GCLC: variants seen among roughly 807,000 people sequenced by gnomAD.
The protein encoded by GCLC is glutamate-cysteine ligase catalytic subunit, also known as glutamate--cysteine ligase catalytic subunit.
Under a neutral mutation model 81.5 loss-of-function variants are expected in GCLC, and 30 were observed. The observed-to-expected ratio is 0.37, with a 90% CI of 0.28 to 0.50. GCLC has a LOEUF of 0.50. Ranked by LOEUF, GCLC falls within the 20% of genes least tolerant of loss-of-function variation. The pLI is 0.96. For synonymous variants in GCLC, 262 were observed against 273.3 expected (o/e 0.96, Z 0.41); for missense variants, 556 against 777.4 (o/e 0.72, Z 3.39).
At chr6:53,538,341 T>G (rs951176436) in intron 1 of GCLC, among the ~76,000 whole-genome samples, 1 of 150,694 alleles carries the variant, frequency 6.6e-6, no homozygotes, top group Non-Finnish European at 1.5e-5. Context: ...TTTTTTTTTT[T>G]TTTGAGATGC....
Position 53,506,115 on chromosome 6 carries a change from A to T in GCLC, c.1198-220T>A, listed in dbSNP as rs767004145. 39 of 498,846 alleles carry T rather than the reference A, an allele frequency of 7.8e-5. No homozygotes were observed. The highest frequency in any genetic ancestry group is 1.4e-4 in the Non-Finnish European group (37 of 272,708). The allele number at this position is 498,846 out of a possible 1,614,324, so 30.9% of individuals were successfully genotyped here. On this transcript the variant is annotated intron_variant, in intron 10 of 15. Transcript: ENST00000650454. The surrounding 1 kb of genome is among the most constrained non-coding windows in gnomAD (Gnocchi z 4.0). The stretch of plus-strand genomic sequence containing the variant: ...AAAAGCTATGAGGCCCTATCACTGC[A>T]AGCTTAATCTCACCCAGCTCCTACT...
Position 53,498,251 on chromosome 6 carries a change from T to C in GCLC, c.*505A>G, listed in dbSNP as rs1764413117. The C allele has an allele frequency of 6.3e-6, 1 of 157,666 alleles. No homozygotes were observed. The highest frequency in any genetic ancestry group is 2.4e-5 in the African/African-American group (1 of 41,448). The allele number at this position is 157,666 out of a possible 1,614,324, so 9.8% of individuals were successfully genotyped here. A position where few individuals can be genotyped will look rare whatever the true frequency, so the allele number is the denominator to read the frequency against. ...TAGATAAGGTGCTAGAAACCCAAGATTACCCTTGAAGCACTTTCAATGGAT... is the reference window on the plus strand; with the variant it reads ...TAGATAAGGTGCTAGAAACCCAAGACTACCCTTGAAGCACTTTCAATGGAT... On this transcript the variant is annotated 3_prime_UTR_variant, in exon 16 of 16. Coordinates refer to ENST00000650454, the MANE Select transcript of GCLC (RefSeq NM_001498.4).
At chr6:53,510,333 T>C (rs1363632108) in intron 6 of GCLC, 1 of 151,662 alleles carries the variant, frequency 6.6e-6, no homozygotes, top group African/African-American at 2.4e-5. Flanking sequence ...GTCCTGAAGA[T>C]GGGGAGATCA....
intron 1 of GCLC, among the ~76,000 whole-genome samples, chr6:53,542,244 C>G (rs1311618587): frequency 6.6e-6 from 1 of 152,146 alleles, no homozygotes; most frequent in Non-Finnish European, 1.5e-5. Flanking sequence ...GGCTGAAATG[C>G]TGGGTCCAAT....
chr6:53,538,135 C>CTTTTT (rs1561952584), intron 1 of GCLC, among the ~76,000 whole-genome samples: 1 of 103,888 alleles, frequency 9.6e-6, no homozygotes, highest in East Asian at 3.3e-4. Flanking sequence ...TTTTTTCTTT[C>CTTTTT]CTTTTTTTTT....
Position 53,544,780 on chromosome 6 carries a change from G to C in GCLC, c.-135C>G. 9.4e-6 allele frequency: 8 copies of C among 847,740 alleles called. No homozygotes were observed. Among genetic ancestry groups the C allele is most frequent in the Non-Finnish European group, 1.2e-5 (7 of 579,232 alleles). The allele number at this position is 847,740 out of a possible 1,614,324, so 52.5% of individuals were successfully genotyped here. ...CGGGGGCGCTCTCGGGCCGCAGTCG[G>C]CGGAGGGAGGGTCCTGCCCGCTCCG... is the stretch of plus-strand genomic sequence containing the variant. On this transcript the variant is annotated 5_prime_UTR_variant, in exon 1 of 16. Coordinates refer to ENST00000650454, the MANE Select transcript of GCLC (RefSeq NM_001498.4).
At chr6:53,517,785 A>C (rs1234801483) in intron 3 of GCLC, among the ~76,000 whole-genome samples, 1 of 152,196 alleles carries the variant, frequency 6.6e-6, no homozygotes, top group Non-Finnish European at 1.5e-5. Context: ...GGAAATGTTT[A>C]ATATCTCCAC....
chr6:53,520,803 G>T lies in GCLC; in HGVS notation c.421C>A (p.Leu141Ile). ...CTGGGAAATGAAGTTATTGTGCAAA[G>T]AGCCTGATTTTCTTCTAATATAGAA... The part of the protein sequence containing the change: ...ATSILEENQA[L>I]CTITSFPRLG... Residue 141 changes from leucine to isoleucine, a missense_variant, in exon 3 of 16, where the codon CTT becomes ATT. Physicochemically the swap from Leu to Ile is conservative, Grantham distance 5. Around this residue, in one of 3 missense-constraint regions of GCLC, gnomAD observed 234 missense variants for 303.8 expected, o/e 0.77. Coordinates refer to ENST00000650454, the MANE Select transcript of GCLC (RefSeq NM_001498.4). 6.2e-7 allele frequency: 1 copy of T among 1,614,126 alleles called. No individual in the cohort carries two copies.
Sources: gnomAD v4.1 joint callset for allele counts (sites outside exome capture counted in the v4.1 genomes callset) on GRCh38, gnomAD v4.1.1 for gene constraint, gnomAD v4.1.1 regional missense constraint, Gnocchi (gnomAD v3.1) non-coding constraint, MANE v1.5 for transcripts, NCBI Gene and HGNC (gene_info 2026-07-23, HGNC 2026-07-21) for gene names.